Variants in PSD3 observed in about 807,000 individuals in gnomAD.
The protein encoded by PSD3 is PH and SEC7 domain-containing protein 3.
In PSD3, 49 loss-of-function variants were observed where a neutral mutation model predicts 105.5. That is an observed-to-expected ratio of 0.46 (90% CI 0.37 to 0.59). The LOEUF (loss-of-function observed/expected upper bound fraction) is 0.59, where lower values mean the gene tolerates loss of function less well. Ranked by LOEUF, PSD3 falls within the 20% of genes least tolerant of loss-of-function variation. The pLI is 0.00. For missense variants in PSD3, 1,561 were observed against 1,263.8 expected (o/e 1.24, Z -3.57); for synonymous variants, 557 against 457.8 (o/e 1.22, Z -2.77).
intron 14 of PSD3, among the ~76,000 whole-genome samples, chr8:18,557,002 A>C (rs923634267): frequency 2.0e-5 from 3 of 152,238 alleles, no homozygotes; most frequent in Non-Finnish European, 4.4e-5. Flanking sequence ...CCTTAGTAGC[A>C]TTATTATAGG....
At chr8:18,918,083 A>T (rs561215279) in intron 2 of PSD3, among the ~76,000 whole-genome samples, 16 of 152,230 alleles carry the variant, frequency 1.1e-4, no homozygotes, top group African/African-American at 2.4e-4. Flanking sequence ...TTATTTTTTT[A>T]AAAAATTAAT....
intron 1 of PSD3, among the ~76,000 whole-genome samples, chr8:19,006,265 G>T (rs1234172728): frequency 6.9e-6 from 1 of 144,916 alleles, no homozygotes; most frequent in African/African-American, 2.6e-5. Context: ...TGCACCCCCG[G>T]CCTGGGTGAC....
At chr8:18,885,506 C>G (rs1818396601) in intron 2 of PSD3, among the ~76,000 whole-genome samples, 2 of 152,154 alleles carry the variant, frequency 1.3e-5, no homozygotes. Flanking sequence ...TGCCAAGCAG[C>G]TGGAGTTCTT....
intron 15 of PSD3, among the ~76,000 whole-genome samples, chr8:18,542,213 T>C (rs3780099): frequency 0.16 from 24,149 of 152,202 alleles, 2,135 homozygotes; most frequent in East Asian, 0.38. Context: ...ATGAAGAGAA[T>C]GCTCTACATT....
intron 4 of PSD3, among the ~76,000 whole-genome samples, chr8:18,823,773 A>AACACAC (rs762999119): frequency 2.4e-3 from 322 of 134,802 alleles, no homozygotes; most frequent in Middle Eastern, 0.022. Flanking sequence ...CTTTATCTTA[A>AACACAC]ACACACTCAC....
intron 1 of PSD3, among the ~76,000 whole-genome samples, chr8:18,975,609 A>T (rs1443412984): frequency 6.6e-6 from 1 of 152,186 alleles, no homozygotes; most frequent in Non-Finnish European, 1.5e-5. Flanking sequence ...AAATTAATAA[A>T]CATTCATTCC....
At chr8:18,567,134 A>C (rs2717720) in intron 14 of PSD3, among the ~76,000 whole-genome samples, 1 of 152,166 alleles carries the variant, frequency 6.6e-6, no homozygotes, top group African/African-American at 2.4e-5. Flanking sequence ...GCTTATTATC[A>C]GCCCTCTTTA....
intron 15 of PSD3, among the ~76,000 whole-genome samples, chr8:18,553,003 A>G (rs1800866436): frequency 6.6e-6 from 1 of 152,070 alleles, no homozygotes; most frequent in Admixed American, 6.6e-5. Flanking sequence ...TGTCAGTCAG[A>G]GTTTGGACAG....
At chr8:18,964,153 G>T (rs963826327) in intron 1 of PSD3, among the ~76,000 whole-genome samples, 2 of 152,162 alleles carry the variant, frequency 1.3e-5, no homozygotes, top group Non-Finnish European at 2.9e-5. Context: ...TTTTGAGAGT[G>T]TTGCTCTGTA....
intron 8 of PSD3, 147 bp downstream of exon 8, chr8:18,799,147 CT>C (rs1308400499): frequency 8.0e-5 from 56 of 702,484 alleles, no homozygotes; most frequent in Non-Finnish European, 1.3e-4. Flanking sequence ...AAAATTATTT[CT>C]TTTTTCAAAG....
chr8:18,700,940 ACT>A (rs1801541208), intron 9 of PSD3, among the ~76,000 whole-genome samples: 1 of 151,954 alleles, frequency 6.6e-6, no homozygotes, highest in Non-Finnish European at 1.5e-5. Context: ...GAAATTTAAA[ACT>A]CTATAATTTC....
chr8:18,727,633 C>T (rs879783126), intron 9 of PSD3, among the ~76,000 whole-genome samples: 5 of 151,944 alleles, frequency 3.3e-5, no homozygotes, highest in Admixed American at 2.0e-4. Context: ...CTGCCACAAC[C>T]CTCCCCTACT....
chr8:18,680,505 G>C (rs1412570630), intron 9 of PSD3, among the ~76,000 whole-genome samples: 1 of 152,164 alleles, frequency 6.6e-6, no homozygotes, highest in African/African-American at 2.4e-5. Context: ...CCAATGAAGA[G>C]CTGAGCTCAG....
chr8:18,799,583 G>C (rs2069245), intron 7 of PSD3, among the ~76,000 whole-genome samples: 48,889 of 152,080 alleles, frequency 0.32, 10,156 homozygotes, highest in Non-Finnish European at 0.46. Flanking sequence ...CTGGAGGACA[G>C]TTTGGTAGTA....
intron 4 of PSD3, among the ~76,000 whole-genome samples, chr8:18,863,291 C>T (rs144650552): frequency 2.0e-5 from 3 of 152,268 alleles, no homozygotes; most frequent in South Asian, 2.1e-4. Flanking sequence ...AGCCGGCGAG[C>T]GAGAAGCACT....
intron 6 of PSD3, among the ~76,000 whole-genome samples, chr8:18,801,619 C>T (rs1810698072): frequency 6.6e-6 from 1 of 152,076 alleles, no homozygotes; most frequent in Non-Finnish European, 1.5e-5. Context: ...CACTTGAGGT[C>T]AGGGGTTCAA....
chr8:18,898,279 T>C (rs755423042), intron 2 of PSD3, among the ~76,000 whole-genome samples: 2 of 152,198 alleles, frequency 1.3e-5, no homozygotes, highest in Non-Finnish European at 2.9e-5. Flanking sequence ...ACCTGGGTGC[T>C]CCAGTATTAG....
intron 12 of PSD3, among the ~76,000 whole-genome samples, chr8:18,590,489 T>C (rs904050789): frequency 6.6e-6 from 1 of 152,202 alleles, no homozygotes; most frequent in African/African-American, 2.4e-5. Flanking sequence ...ATGTCAATAA[T>C]ACACTGAAAA....
chr8:18,806,630 G>C (rs1286314999), intron 4 of PSD3, among the ~76,000 whole-genome samples: 1 of 152,178 alleles, frequency 6.6e-6, no homozygotes, highest in Non-Finnish European at 1.5e-5. Flanking sequence ...GGCCACATAT[G>C]GCCCCTGTCA....
Sources: allele counts gnomAD v4.1 joint callset (sites outside exome capture counted in the v4.1 genomes callset), GRCh38; gene constraint gnomAD v4.1.1; transcripts MANE v1.5; gene names NCBI Gene and HGNC (gene_info 2026-07-23, HGNC 2026-07-21).